MASP1: variants seen among roughly 807,000 people sequenced by gnomAD.
The protein encoded by MASP1 is mannan-binding lectin serine protease 1.
Under a neutral mutation model 77.1 loss-of-function variants are expected in MASP1, and 59 were observed. The observed-to-expected ratio is 0.77, with a 90% CI of 0.62 to 0.95. The LOEUF (loss-of-function observed/expected upper bound fraction) is 0.95, where lower values mean the gene tolerates loss of function less well. Ranked by LOEUF, MASP1 falls within the 40% of genes least tolerant of loss-of-function variation. The probability of loss-of-function intolerance (pLI) is 0.00; values close to 1 mark genes in which losing one functional copy is unlikely to be tolerated. For missense variants in MASP1, 885 were observed against 912.9 expected, an observed-to-expected ratio of 0.97 and a Z score of 0.39; for synonymous variants, 362 against 354.5, an observed-to-expected ratio of 1.02 and a Z score of -0.24.
Position 187,291,699 on chromosome 3 carries a change from G to T in MASP1, c.-67C>A, listed in dbSNP as rs369042881. On this transcript the variant is annotated 5_prime_UTR_variant, in exon 1 of 11. Coordinates refer to ENST00000296280, the MANE Select transcript of MASP1 (RefSeq NM_139125.4). ...CCCAGCTTGACTTGCCTGTGAGCTC[G>T]TGCCCGGTGTGGTGTCCGTGATGCC... The T allele has an allele frequency of 1.9e-6, 3 of 1,598,108 alleles. No homozygotes were observed. Among genetic ancestry groups the T allele is most frequent in the South Asian group, 2.2e-5 (2 of 90,746 alleles).
chr3:187,282,053 T>C (rs1351232097), intron 2 of MASP1, among the ~76,000 whole-genome samples: 2 of 152,178 alleles, frequency 1.3e-5, no homozygotes, highest in Non-Finnish European at 2.9e-5. Flanking sequence ...CCTCCTCTTC[T>C]GTCCAATAGG....
At chr3:187,265,525 T>G (rs1043117102) in intron 2 of MASP1, among the ~76,000 whole-genome samples, 1 of 151,124 alleles carries the variant, frequency 6.6e-6, no homozygotes, top group Non-Finnish European at 1.5e-5. Context: ...CCATACATCC[T>G]TTTAGAAGCA....
chr3:187,268,525 G>GAAAAGA (rs1553781337), intron 2 of MASP1, among the ~76,000 whole-genome samples: 10 of 141,296 alleles, frequency 7.1e-5, no homozygotes, highest in African/African-American at 2.1e-4. Flanking sequence ...GAGGAAGAAA[G>GAAAAGA]AAAGAAAAGA....
chr3:187,256,128 A>G (rs1312130441), intron 5 of MASP1, among the ~76,000 whole-genome samples: 4 of 152,064 alleles, frequency 2.6e-5, no homozygotes, highest in Non-Finnish European at 5.9e-5. Flanking sequence ...TGCCTGTGGT[A>G]TTTGTTCCGT....
chr3:187,269,880 G>T (rs1261346950), intron 2 of MASP1, among the ~76,000 whole-genome samples: 2 of 152,136 alleles, frequency 1.3e-5, no homozygotes, highest in Non-Finnish European at 2.9e-5. Context: ...CTATACCTTT[G>T]TGTGTCATCT....
intron 3 of MASP1, among the ~76,000 whole-genome samples, chr3:187,262,006 G>A (rs1159307962): frequency 6.6e-6 from 1 of 152,182 alleles, no homozygotes; most frequent in African/African-American, 2.4e-5. Flanking sequence ...TTTAAATGAA[G>A]TTTTAGAAGA....
In MASP1 at chr3:187,236,055, T is replaced by A. The variant is rs763420801; in HGVS notation, c.1816A>T (p.Ile606Phe). Residue 606 changes from isoleucine (I) to phenylalanine (F), a missense_variant, in exon 11 of 11, where the codon ATC (isoleucine) becomes TTC (phenylalanine). By Grantham distance (21) the Ile-to-Phe change is conservative. Transcript: ENST00000296280. The stretch of plus-strand genomic sequence containing the variant: ...GACAAGGTCCGTGTGCCACTGCTGA[T>A]GATCTCATCCACTGTCACATTGGGA... ...SNPNVTVDEI[I>F]SSGTRTLSDV... is the part of the protein sequence containing the mutation. 2 of 1,614,134 alleles carry A rather than the reference T, an allele frequency of 1.2e-6. No individual in the cohort carries two copies. The highest frequency in any genetic ancestry group is 3.3e-5 in the Admixed American group (2 of 60,034).
downstream of MASP1, among the ~76,000 whole-genome samples, chr3:187,232,387 A>T (rs1448779658): frequency 6.6e-6 from 1 of 152,108 alleles, no homozygotes; most frequent in Non-Finnish European, 1.5e-5. Flanking sequence ...GATGAACTTC[A>T]AATCAGTGTC....
intron 12 of MASP1, among the ~76,000 whole-genome samples, chr3:187,225,785 T>A (rs1436695390): frequency 6.6e-6 from 1 of 152,234 alleles, no homozygotes; most frequent in African/African-American, 2.4e-5. Context: ...TATCATCACC[T>A]TCAGTGCCTG....
At chr3:187,254,588 A>T (rs1309869878) in intron 5 of MASP1, among the ~76,000 whole-genome samples, 1 of 152,312 alleles carries the variant, frequency 6.6e-6, no homozygotes, top group East Asian at 1.9e-4. Context: ...ACTCGATCGA[A>T]TCTAGCTTTT....
At chr3:187,248,009 C>T (rs1226754751) in intron 8 of MASP1, among the ~76,000 whole-genome samples, 1 of 152,280 alleles carries the variant, frequency 6.6e-6, no homozygotes, top group African/African-American at 2.4e-5. Context: ...TGGGGACTCT[C>T]GACTCCTCAG....
At chr3:187,255,930 T>A (rs1252138716) in intron 5 of MASP1, among the ~76,000 whole-genome samples, 2 of 152,192 alleles carry the variant, frequency 1.3e-5, no homozygotes, top group Non-Finnish European at 2.9e-5. Context: ...GCTCAGGGTC[T>A]CTTCTGAGCT....
rs776466943 is a variant in MASP1 at position 187,260,766 on chromosome 3, G to T, written c.522C>A (p.Leu174=). The T allele has an allele frequency of 1.2e-6, 2 of 1,614,166 alleles. No homozygotes were observed. Among genetic ancestry groups the T allele is most frequent in the South Asian group, 2.2e-5 (2 of 91,080 alleles). The change falls in exon 4 of 11, where the codon CTC becomes CTA. Residue 174 remains leucine (L), a synonymous_variant. Coordinates refer to ENST00000296280, the MANE Select transcript of MASP1 (RefSeq NM_139125.4). ...CTCGGCAGGTCCTGTTGTCTGTGTG[G>T]AGGATGTAGCCGAAGCGGCAGGAGC... ...YYCSCRFGYI[L]HTDNRTCRVE...
intron 2 of MASP1, among the ~76,000 whole-genome samples, chr3:187,277,166 G>A (rs564555683): frequency 7.2e-5 from 11 of 152,292 alleles, no homozygotes; most frequent in African/African-American, 2.2e-4. Context: ...GAATGAAGAC[G>A]TGACTTGCCC....
chr3:187,246,432 C>T, intron 8 of MASP1: 2 of 985,476 alleles, frequency 2.0e-6, no homozygotes, highest in Non-Finnish European at 2.4e-6. Context: ...GGTGGTGTCT[C>T]TAGCCGAGAA....
chr3:187,233,807 C>T (rs3733004), downstream of MASP1, among the ~76,000 whole-genome samples: 66 of 152,322 alleles, frequency 4.3e-4, no homozygotes, highest in East Asian at 8.7e-3. Context: ...CCAGGCCCAG[C>T]GTGTGGGGGG....
In MASP1 at chr3:187,246,522, A is replaced by C. The variant is rs1714093876; in HGVS notation, c.1091-2901T>G. On this transcript the variant is annotated intron_variant, in intron 8 of 10. Coordinates refer to ENST00000296280, the MANE Select transcript of MASP1 (RefSeq NM_139125.4). ...AATCACCAAATAGATCGGGCAGTCCATTTAATGCAAAGATTCTCTGACATG... is the reference window on the plus strand; with the variant it reads ...AATCACCAAATAGATCGGGCAGTCCCTTTAATGCAAAGATTCTCTGACATG... 2 of 985,354 alleles carry C rather than the reference A, an allele frequency of 2.0e-6. 1 individual carries two copies. Among genetic ancestry groups the C allele is most frequent in the South Asian group, 9.4e-5 (2 of 21,280 alleles). 61.0% of individuals were successfully genotyped at this position (985,354 alleles called of 1,614,324 possible).
chr3:187,260,236 G>A (rs1367535549), intron 4 of MASP1, among the ~76,000 whole-genome samples: 2 of 152,174 alleles, frequency 1.3e-5, no homozygotes, highest in Non-Finnish European at 2.9e-5. Flanking sequence ...GTTGATGATA[G>A]ATGAAAACAA....
intron 9 of MASP1, chr3:187,243,208 CCAA>C: frequency 2.3e-6 from 1 of 442,784 alleles, no homozygotes; most frequent in Non-Finnish European, 4.2e-6. Context: ...CACGCTCCCA[CCAA>C]CAACTCATTA....
Sources: gnomAD v4.1 joint callset for allele counts (sites outside exome capture counted in the v4.1 genomes callset) on GRCh38, gnomAD v4.1.1 for gene constraint, MANE v1.5 for transcripts, NCBI Gene and HGNC (gene_info 2026-07-23, HGNC 2026-07-21) for gene names.